Variants in EPB41 observed in about 807,000 individuals in gnomAD.
EPB41 encodes the protein protein 4.1.
In EPB41, 65 loss-of-function variants were observed where a neutral mutation model predicts 108.0. That is an observed-to-expected ratio of 0.60 (90% CI 0.49 to 0.74). The LOEUF is 0.74. Ranked by LOEUF, EPB41 falls within the 30% of genes least tolerant of loss-of-function variation. The probability of loss-of-function intolerance (pLI) is 0.00; values close to 1 mark genes in which losing one functional copy is unlikely to be tolerated. For synonymous variants in EPB41, 336 were observed against 358.9 expected (o/e 0.94, Z 0.72); for missense variants, 875 against 1,037.0 (o/e 0.84, Z 2.15).
Position 29,106,814 on chromosome 1 carries a change from G to A in EPB41, c.2314-2522G>A, listed in dbSNP as rs192681423. ...TCTTGAACTCCTGACCTCGTGATCC[G>A]CCTGCCTTGGCCTCCCAAAGTGCTG... On this transcript the variant is annotated intron_variant, in intron 17 of 20. Transcript: ENST00000343067. Among the ~76,000 whole-genome samples the A allele has an allele frequency of 5.6e-3, 852 of 150,970 alleles. 10 individuals carry two copies. Among genetic ancestry groups the A allele is most frequent in the African/African-American group, 0.019 (803 of 41,352 alleles).
chr1:28,982,644 G>T, intron 1 of EPB41: 1 of 914,290 alleles, frequency 1.1e-6, no homozygotes, highest in Non-Finnish European at 1.8e-6. Flanking sequence ...ACAGCAAAAA[G>T]CCCATCATGG....
At position 29,119,415 on chromosome 1, in the gene EPB41, C is replaced by T. The variant is rs899042141; in HGVS notation, c.*2603C>T. On this transcript the variant is annotated 3_prime_UTR_variant, in exon 21 of 21. Coordinates refer to ENST00000343067, the MANE Select transcript of EPB41 (RefSeq NM_001376013.1). ...AACAGTTTTCCTAGAGTGACTCAGA[C>T]ACACCACAGTAACAACTCTCGCTGC... 1 of 152,628 alleles carries T rather than the reference C, an allele frequency of 6.6e-6. No individual in the cohort carries two copies. The highest frequency in any genetic ancestry group is 1.5e-5 in the Non-Finnish European group (1 of 68,032). The allele number at this position is 152,628 out of a possible 1,614,324, so 9.5% of individuals were successfully genotyped here. A position where few individuals can be genotyped will look rare whatever the true frequency, so the allele number is the denominator to read the frequency against.
intron 1 of EPB41, among the ~76,000 whole-genome samples, chr1:28,892,651 G>T (rs994870057): frequency 1.3e-5 from 2 of 151,778 alleles, no homozygotes; most frequent in South Asian, 4.2e-4. Context: ...GGAGGCGGAG[G>T]TTGCGCCATT....
upstream of EPB41, among the ~76,000 whole-genome samples, chr1:28,911,405 G>T (rs2092250131): frequency 6.6e-6 from 1 of 152,174 alleles, no homozygotes; most frequent in African/African-American, 2.4e-5. Context: ...GTTCATACCT[G>T]CCTTGTGTCT....
In EPB41 at chr1:29,021,268, C is replaced by T. The variant is rs184215590; in HGVS notation, c.1124+2826C>T. Among the ~76,000 whole-genome samples the T allele has an allele frequency of 3.8e-3, 574 of 152,158 alleles. 6 individuals carry two copies. The highest frequency in any genetic ancestry group is 0.013 in the African/African-American group (533 of 41,524). On this transcript the variant is annotated intron_variant, in intron 7 of 20. Coordinates refer to ENST00000343067, the MANE Select transcript of EPB41 (RefSeq NM_001376013.1). ...TGTAATAATGCTAAGATGTTATTTGCTTTTTTCACTCTGTTGAAATGGGTG... is the reference window on the plus strand; with the variant it reads ...TGTAATAATGCTAAGATGTTATTTGTTTTTTTCACTCTGTTGAAATGGGTG...
chr1:28,919,471 T>C (rs1222518395), intron 1 of EPB41, among the ~76,000 whole-genome samples: 1 of 148,262 alleles, frequency 6.7e-6, no homozygotes, highest in African/African-American at 2.4e-5. Flanking sequence ...CTTTCTTTCT[T>C]TTTTTTTTTT....
rs949987589 is a variant in EPB41, at chr1:28,908,417, T to G, written c.-8+21207T>G. Among the ~76,000 whole-genome samples the G allele has an allele frequency of 1.4e-3, 201 of 145,616 alleles. 1 individual carries two copies. The highest frequency in any genetic ancestry group is 4.9e-3 in the African/African-American group (186 of 38,088). On this transcript the variant is annotated intron_variant, in intron 1 of 16. Coordinates refer to the EPB41 transcript ENST00000347529. ...ACTCCGTCTCAAAAAAAAAAAAAAG[T>G]AGTTATTATTATTATTATTATTATT...
At chr1:28,930,732 G>C (rs2093699240) in intron 1 of EPB41, among the ~76,000 whole-genome samples, 1 of 150,156 alleles carries the variant, frequency 6.7e-6, no homozygotes, top group African/African-American at 2.5e-5. Context: ...TGATCCGCCC[G>C]CCTCAGCCTC....
intron 4 of EPB41, among the ~76,000 whole-genome samples, chr1:28,998,080 A>G (rs1204008217): frequency 6.6e-6 from 1 of 152,214 alleles, no homozygotes; most frequent in African/African-American, 2.4e-5. Context: ...TGCCCTCTGG[A>G]ACTTCCAGTT....
At position 29,075,030 on chromosome 1, in the gene EPB41, A is replaced by G. The variant is rs1316988499; in HGVS notation, c.2184+9872A>G. Among the ~76,000 whole-genome samples, 5 of 152,022 alleles carry G rather than the reference A, an allele frequency of 3.3e-5. No homozygotes were observed. The South Asian group carries it at 1.0e-3, about 32-fold the overall frequency. On this transcript the variant is annotated intron_variant, in intron 16 of 20. Coordinates refer to ENST00000343067, the MANE Select transcript of EPB41 (RefSeq NM_001376013.1). ...AAATTAGCTGGGCGTGGTGATGGGC[A>G]TCTGTAGTCCCAGCTACTCAGGAGG...
intron 1 of EPB41, chr1:28,889,877 CACAG>C (rs2089918356): frequency 2.0e-6 from 2 of 980,740 alleles, no homozygotes; most frequent in South Asian, 9.4e-5. Flanking sequence ...ACAGGATACT[CACAG>C]AGGGCTCACC....
chr1:28,990,241 A>AG (rs2095978250), intron 2 of EPB41, among the ~76,000 whole-genome samples: 1 of 151,102 alleles, frequency 6.6e-6, no homozygotes. Flanking sequence ...CAAAAAAAAA[A>AG]AAAAAAAATT....
At chr1:28,889,560 C>T (rs769192033) in intron 1 of EPB41, among the ~76,000 whole-genome samples, 4 of 152,242 alleles carry the variant, frequency 2.6e-5, no homozygotes, top group Admixed American at 2.0e-4. Flanking sequence ...TGGACCATGG[C>T]CAGGAGACTG....
intron 1 of EPB41, among the ~76,000 whole-genome samples, chr1:28,959,212 C>CTTTTTT (rs34502231): frequency 2.0e-4 from 20 of 97,940 alleles, no homozygotes; most frequent in African/African-American, 5.8e-4. Flanking sequence ...AAAGTTTGAT[C>CTTTTTT]TTTTTTTTTT....
intron 1 of EPB41, among the ~76,000 whole-genome samples, chr1:28,894,703 A>C (rs1040114086): frequency 1.3e-5 from 2 of 152,022 alleles, no homozygotes; most frequent in African/African-American, 4.8e-5. Flanking sequence ...TGGACAAGGC[A>C]TGCTCTTCCC....
intron 1 of EPB41, among the ~76,000 whole-genome samples, chr1:28,944,422 C>G (rs2094417908): frequency 6.6e-6 from 1 of 152,066 alleles, no homozygotes; most frequent in East Asian, 1.9e-4. Context: ...ACCGCATTCT[C>G]CATGATGTGC....
At chr1:29,083,139 G>A (rs1573709399) in intron 16 of EPB41, among the ~76,000 whole-genome samples, 1 of 151,408 alleles carries the variant, frequency 6.6e-6, no homozygotes, top group South Asian at 2.1e-4. Context: ...GCACTATAAG[G>A]ATATATTTCT....
upstream of EPB41, among the ~76,000 whole-genome samples, chr1:28,912,306 G>A (rs1262895513): frequency 6.6e-6 from 1 of 152,168 alleles, no homozygotes; most frequent in Non-Finnish European, 1.5e-5. Flanking sequence ...AGAAAGTCAA[G>A]TAGGGTAAGT....
At chr1:28,897,367 G>A (rs973658218) in intron 1 of EPB41, among the ~76,000 whole-genome samples, 5 of 151,864 alleles carry the variant, frequency 3.3e-5, no homozygotes, top group Non-Finnish European at 5.9e-5. Context: ...TAGGGAACAT[G>A]GAGCAACCCC....
Sources: gnomAD v4.1 joint callset for allele counts (sites outside exome capture counted in the v4.1 genomes callset) on GRCh38, gnomAD v4.1.1 for gene constraint, MANE v1.5 for transcripts, NCBI Gene and HGNC (gene_info 2026-07-23, HGNC 2026-07-21) for gene names.